TMEM132C: variants seen among roughly 807,000 people sequenced by gnomAD.
TMEM132C encodes protein phosphatase 1, regulatory subunit 152.
Under a neutral mutation model 61.4 loss-of-function variants are expected in TMEM132C, and 29 were observed. The observed-to-expected ratio is 0.47, with a 90% CI of 0.35 to 0.64. TMEM132C has a LOEUF of 0.64. Among genes scored for constraint, TMEM132C ranks in the 30% least tolerant of loss-of-function variants. TMEM132C has a pLI of 0.00. For synonymous variants in TMEM132C, 656 were observed against 633.1 expected, an observed-to-expected ratio of 1.04 and a Z score of -0.54; for missense variants, 1,408 against 1,476.9, an observed-to-expected ratio of 0.95 and a Z score of 0.76.
chr12:128,314,066 G>A, intron 1 of TMEM132C, among the ~76,000 whole-genome samples: 1 of 152,084 alleles, frequency 6.6e-6, no homozygotes, highest in East Asian at 1.9e-4. Flanking sequence ...AGGGTCCCTG[G>A]GAGACACTTG....
At chr12:128,357,208 A>T (rs1274023160) in intron 1 of TMEM132C, among the ~76,000 whole-genome samples, 1 of 151,868 alleles carries the variant, frequency 6.6e-6, no homozygotes, top group Non-Finnish European at 1.5e-5. Context: ...GGCCCACCAA[A>T]CTCAGACCTT....
Position 128,415,806 on chromosome 12 carries a change from G to A in TMEM132C, c.974+186G>A, listed in dbSNP as rs1868764090. ...CTCAACAGCCCTCCTTACACCGTGG[G>A]TTATGGAGGGAAGAAGAGGCAAAGG... On this transcript the variant is annotated intron_variant, in intron 2 of 8. Transcript: ENST00000435159. This position sits in a 1 kb window ranked among gnomAD's most constrained non-coding sequence, Gnocchi z 5.8. Among the ~76,000 whole-genome samples the A allele has an allele frequency of 6.6e-6, 1 of 152,120 alleles. No individual in the cohort carries two copies. Among genetic ancestry groups the A allele is most frequent in the African/African-American group, 2.4e-5 (1 of 41,438 alleles).
intron 1 of TMEM132C, among the ~76,000 whole-genome samples, chr12:128,285,144 T>G (rs1020099639): frequency 6.6e-6 from 1 of 152,026 alleles, no homozygotes; most frequent in Non-Finnish European, 1.5e-5. Flanking sequence ...CCCTGTTTAG[T>G]GAGGTAGGAG....
At chr12:128,411,005 A>G (rs896384343) in intron 1 of TMEM132C, among the ~76,000 whole-genome samples, 6 of 152,194 alleles carry the variant, frequency 3.9e-5, no homozygotes, top group African/African-American at 1.4e-4. Flanking sequence ...TCATAGAATG[A>G]ACCTTAGACA....
intron 4 of TMEM132C, among the ~76,000 whole-genome samples, chr12:128,629,593 A>C (rs1248057180): frequency 6.6e-6 from 1 of 152,208 alleles, no homozygotes; most frequent in Non-Finnish European, 1.5e-5. Flanking sequence ...GGGAGTTATG[A>C]ATCGAGGGCC....
At chr12:128,426,427 C>T (rs1869185652) in intron 2 of TMEM132C, among the ~76,000 whole-genome samples, 1 of 152,148 alleles carries the variant, frequency 6.6e-6, no homozygotes, top group Non-Finnish European at 1.5e-5. Flanking sequence ...GCTGACTGTT[C>T]CCAGACTCCT....
Position 128,696,179 on chromosome 12 carries a change from G to A in TMEM132C, c.1929+76G>A, listed in dbSNP as rs1954762066. On this transcript the variant is annotated intron_variant, in intron 7 of 8. Coordinates refer to ENST00000435159, the MANE Select transcript of TMEM132C (RefSeq NM_001136103.3). ...TTGAGGGAGAGTCAATGGGTGGGCAGATCACTGTGGCCGATTCCCCAACCC... is the reference window on the plus strand; with the variant it reads ...TTGAGGGAGAGTCAATGGGTGGGCAAATCACTGTGGCCGATTCCCCAACCC... 3.4e-6 allele frequency: 5 copies of A among 1,485,592 alleles called. No homozygotes were observed. In the South Asian group the frequency reaches 6.8e-5, roughly 20 times the overall value. 92.0% of individuals were successfully genotyped at this position (1,485,592 alleles called of 1,614,324 possible).
intron 2 of TMEM132C, among the ~76,000 whole-genome samples, chr12:128,469,666 A>G (rs78472603): frequency 0.075 from 10,710 of 142,830 alleles, 441 homozygotes; most frequent in Middle Eastern, 0.1. Flanking sequence ...GTGTGTGTAT[A>G]TATATATATG....
Position 128,705,148 on chromosome 12 carries a change from T to A in TMEM132C, c.2180T>A (p.Ile727Asn). The part of the protein sequence containing the change: ...FSDGSVTPLD[I>N]YDTKDFSLAA... ...GATGGCTCTGTGACGCCCCTGGACA[T>A]CTACGACACCAAGGACTTCTCCCTG... The change falls in exon 9 of 9, where the codon ATC becomes AAC. Residue 727 changes from isoleucine (I) to asparagine (N), a missense_variant. Physicochemically the swap from Ile to Asn is moderately radical, Grantham distance 149. Transcript: ENST00000435159. 2 of 1,551,394 alleles carry A rather than the reference T, an allele frequency of 1.3e-6. No individual in the cohort carries two copies. Among genetic ancestry groups the A allele is most frequent in the Non-Finnish European group, 1.7e-6 (2 of 1,146,848 alleles).
chr12:128,621,185 TGG>T (rs1953959977), intron 4 of TMEM132C, among the ~76,000 whole-genome samples: 1 of 151,936 alleles, frequency 6.6e-6, no homozygotes, highest in African/African-American at 2.4e-5. Context: ...CTTTAACCAG[TGG>T]GAGGCACCAG....
At chr12:128,315,112 A>T (rs570312286) in intron 1 of TMEM132C, among the ~76,000 whole-genome samples, 29 of 152,272 alleles carry the variant, frequency 1.9e-4, no homozygotes, top group African/African-American at 6.7e-4. Context: ...TTCAATGAGG[A>T]GGCATCTGAT....
chr12:128,360,801 G>C (rs1873687725), intron 1 of TMEM132C, among the ~76,000 whole-genome samples: 1 of 152,176 alleles, frequency 6.6e-6, no homozygotes, highest in Non-Finnish European at 1.5e-5. Context: ...ATCCACACCT[G>C]CTTCTCCAAC....
intron 3 of TMEM132C, among the ~76,000 whole-genome samples, chr12:128,548,059 C>A (rs982347889): frequency 6.6e-6 from 1 of 152,184 alleles, no homozygotes; most frequent in African/African-American, 2.4e-5. Flanking sequence ...GGTAGCTGAT[C>A]TGGGGAGCTG....
chr12:128,596,314 C>T (rs1875947845), intron 3 of TMEM132C, among the ~76,000 whole-genome samples: 2 of 150,024 alleles, frequency 1.3e-5, no homozygotes, highest in Admixed American at 1.3e-4. Flanking sequence ...GGCGGCAGGG[C>T]TTGACTGATC....
chr12:128,273,582 C>G (rs1021644265), intron 1 of TMEM132C, among the ~76,000 whole-genome samples: 1 of 152,004 alleles, frequency 6.6e-6, no homozygotes, highest in Non-Finnish European at 1.5e-5. Flanking sequence ...CTATTTTGCT[C>G]ATTGTTTTAT....
At chr12:128,371,410 A>G (rs1874024350) in intron 1 of TMEM132C, among the ~76,000 whole-genome samples, 1 of 152,210 alleles carries the variant, frequency 6.6e-6, no homozygotes, top group Admixed American at 6.5e-5. Flanking sequence ...CAAGATGGGC[A>G]TGTAACATAA....
At position 128,513,304 on chromosome 12, in the gene TMEM132C, T is replaced by G. The variant is rs558139950; in HGVS notation, c.975-30653T>G. ...TGGAATAACCTCCTCTGCCTCCCCC[T>G]CCTCCAGCCCCCAAGTATAGGGGAA... On this transcript the variant is annotated intron_variant, in intron 2 of 8. Coordinates refer to ENST00000435159, the MANE Select transcript of TMEM132C (RefSeq NM_001136103.3). Among the ~76,000 whole-genome samples the G allele has an allele frequency of 1.4e-4, 21 of 152,200 alleles. No homozygotes were observed. In the East Asian group the frequency reaches 3.1e-3, roughly 22 times the overall value.
intron 4 of TMEM132C, among the ~76,000 whole-genome samples, chr12:128,624,417 G>A (rs1050667329): frequency 4.6e-5 from 7 of 151,958 alleles, no homozygotes; most frequent in African/African-American, 1.2e-4. Flanking sequence ...GGTGGCGGGG[G>A]CCTGTAATCC....
At chr12:128,429,113 T>C (rs1869296366) in intron 2 of TMEM132C, among the ~76,000 whole-genome samples, 1 of 152,082 alleles carries the variant, frequency 6.6e-6, no homozygotes, top group Non-Finnish European at 1.5e-5. Flanking sequence ...TTCATTGAGG[T>C]AAGACAGGTT....
Sources: allele counts gnomAD v4.1 joint callset (sites outside exome capture counted in the v4.1 genomes callset), GRCh38; gene constraint gnomAD v4.1.1; non-coding constraint Gnocchi (gnomAD v3.1); transcripts MANE v1.5; gene names NCBI Gene and HGNC (gene_info 2026-07-23, HGNC 2026-07-21).